Variants in PRMT8 observed in about 807,000 individuals in gnomAD.
PRMT8 encodes the protein protein arginine methyltransferase 8, also known as protein arginine N-methyltransferase 8.
In PRMT8, 7 loss-of-function variants were observed where a neutral mutation model predicts 47.1. The ratio of observed to expected loss-of-function variants is 0.15; its 90% CI spans 0.08 to 0.28. The LOEUF is 0.28. PRMT8 is among the 10% of genes least tolerant of loss of function. The pLI is 1.00. For missense variants in PRMT8, 237 were observed against 505.4 expected, an observed-to-expected ratio of 0.47 and a Z score of 5.09; for synonymous variants, 188 against 186.5, an observed-to-expected ratio of 1.01 and a Z score of -0.07.
chr12:3,438,793 A>G (rs1470226593), intron 1 of PRMT8, among the ~76,000 whole-genome samples: 4 of 152,260 alleles, frequency 2.6e-5, no homozygotes, highest in African/African-American at 9.6e-5. Flanking sequence ...GGTGAGTTTC[A>G]TAGAGCTAAG....
rs1395517695 is a variant in PRMT8, at chr12:3,583,126, G to A, written c.897G>A (p.Gln299=). 6 of 1,614,034 alleles carry A rather than the reference G, an allele frequency of 3.7e-6. No homozygotes were observed. The highest frequency in any genetic ancestry group is 5.1e-6 in the Non-Finnish European group (6 of 1,180,006). The change falls in exon 8 of 10, where the codon CAG becomes CAA. Residue 299 remains glutamine, a synonymous_variant. Coordinates refer to ENST00000382622, the MANE Select transcript of PRMT8 (RefSeq NM_019854.5). The surrounding 1 kb of genome is among the most constrained non-coding windows in gnomAD (Gnocchi z 4.7). ...SFTSAFCLQI[Q]RNDYVHALVT... is the part of the protein sequence containing the mutation. The stretch of plus-strand genomic sequence containing the variant: ...CATCTGCATTCTGCCTGCAGATACA[G>A]CGCAACGACTACGTCCACGCCCTGG...
chr12:3,404,402 C>G (rs1297300637), intron 1 of PRMT8, among the ~76,000 whole-genome samples: 1 of 152,148 alleles, frequency 6.6e-6, no homozygotes, highest in Non-Finnish European at 1.5e-5. Context: ...ATTTAATACA[C>G]TTTTAAAACT....
intron 4 of PRMT8, among the ~76,000 whole-genome samples, chr12:3,562,481 CACA>C (rs1448535354): frequency 6.6e-6 from 1 of 152,072 alleles, no homozygotes; most frequent in Non-Finnish European, 1.5e-5. Context: ...CAAACAAAAT[CACA>C]ACATCATCAC....
Position 3,510,433 on chromosome 12 carries a change from A to G in PRMT8, c.75+18733A>G, listed in dbSNP as rs74450151. Among the ~76,000 whole-genome samples the G allele has an allele frequency of 1.6e-3, 237 of 152,348 alleles. 6 individuals are homozygous for G. The East Asian group carries it at 0.041, about 27-fold the overall frequency. On this transcript the variant is annotated intron_variant, in intron 1 of 9. Transcript: ENST00000382622. Reference sequence around the variant, plus strand: ...TATTGAATGTTCCCAACACAAAGCAATGACAACTGTTTGAGTTAATGGATG... The same window carrying G: ...TATTGAATGTTCCCAACACAAAGCAGTGACAACTGTTTGAGTTAATGGATG...
intron 1 of PRMT8, among the ~76,000 whole-genome samples, chr12:3,540,306 C>T (rs563817836): frequency 6.6e-5 from 10 of 152,280 alleles, no homozygotes; most frequent in Middle Eastern, 3.4e-3. Context: ...TACTATTTTC[C>T]CCATTTCACA....
chr12:3,438,388 G>C (rs991882265), intron 1 of PRMT8, among the ~76,000 whole-genome samples: 1 of 152,220 alleles, frequency 6.6e-6, no homozygotes, highest in Non-Finnish European at 1.5e-5. Context: ...AGGGCACGTG[G>C]GGTCGGGCCG....
rs1217066975 is a variant in PRMT8, at chr12:3,508,858, C to A, written c.75+17158C>A. Among the ~76,000 whole-genome samples the A allele has an allele frequency of 1.3e-5, 2 of 152,222 alleles. No individual in the cohort carries two copies. The highest frequency in any genetic ancestry group is 2.9e-5 in the Non-Finnish European group (2 of 68,028). ...AGTCCTGCCCTCTTCCCAGCTCCTG[C>A]CATTCTCACTTTTCTTGGTAATAAG... On this transcript the variant is annotated intron_variant, in intron 1 of 9. Coordinates refer to ENST00000382622, the MANE Select transcript of PRMT8 (RefSeq NM_019854.5). The surrounding 1 kb of genome is among the most constrained non-coding windows in gnomAD (Gnocchi z 4.9).
rs75674240 is a variant in PRMT8 at position 3,549,565 on chromosome 12, G to A, written c.262-371G>A. Among the ~76,000 whole-genome samples, 143 of 151,616 alleles carry A rather than the reference G, an allele frequency of 9.4e-4. 1 individual carries two copies. The highest frequency in any genetic ancestry group is 3.0e-3 in the African/African-American group (124 of 41,242). On this transcript the variant is annotated intron_variant, in intron 2 of 9. Transcript: ENST00000382622. The stretch of plus-strand genomic sequence containing the variant: ...ACTCACAAAAACCTCTTTGAATGAC[G>A]TGTTCAATGACAATTCTCTCACCAT...
chr12:3,472,149 A>C (rs887360), intron 1 of PRMT8, among the ~76,000 whole-genome samples: 12,531 of 152,208 alleles, frequency 0.082, 565 homozygotes, highest in Non-Finnish European at 0.1. Flanking sequence ...GCGGTTCTGT[A>C]ACTGAGAACA....
intron 6 of PRMT8, among the ~76,000 whole-genome samples, chr12:3,574,524 C>T (rs534990710): frequency 6.6e-5 from 10 of 152,340 alleles, no homozygotes; most frequent in East Asian, 1.9e-4. Flanking sequence ...TGCACATGGC[C>T]GCACAGCTTG....
intron 1 of PRMT8, among the ~76,000 whole-genome samples, chr12:3,530,361 C>T (rs1376063613): frequency 6.6e-6 from 1 of 152,168 alleles, no homozygotes; most frequent in Non-Finnish European, 1.5e-5. Context: ...GAGGGAAACA[C>T]AGACATATAA....
intron 1 of PRMT8, among the ~76,000 whole-genome samples, chr12:3,511,189 C>G (rs936013815): frequency 6.6e-6 from 1 of 152,166 alleles, no homozygotes; most frequent in African/African-American, 2.4e-5. Flanking sequence ...TAGCTCCATG[C>G]CTGTCTTCCC....
At chr12:3,542,207 G>A (rs1388651515) in intron 2 of PRMT8, among the ~76,000 whole-genome samples, 2 of 152,204 alleles carry the variant, frequency 1.3e-5, no homozygotes, top group Non-Finnish European at 2.9e-5. Context: ...CTCAAGGTTT[G>A]GGTCCCTGAG....
At chr12:3,424,911 G>A (rs1864585955) in intron 1 of PRMT8, among the ~76,000 whole-genome samples, 3 of 152,116 alleles carry the variant, frequency 2.0e-5, no homozygotes, top group South Asian at 4.2e-4. Flanking sequence ...TCATGCTTTG[G>A]CCATGCGTGG....
At chr12:3,448,631 C>G (rs35330987) in intron 1 of PRMT8, among the ~76,000 whole-genome samples, 17,240 of 152,020 alleles carry the variant, frequency 0.11, 1,144 homozygotes, top group Middle Eastern at 0.18. Flanking sequence ...ACTTTGATAA[C>G]CAAAAAGTCG....
At chr12:3,382,728 C>T (rs1864104338) in intron 1 of PRMT8, among the ~76,000 whole-genome samples, 1 of 152,042 alleles carries the variant, frequency 6.6e-6, no homozygotes, top group African/African-American at 2.4e-5. Context: ...TAATGAAGTC[C>T]AGTTTATCAA....
At chr12:3,518,428 G>A (rs916633112) in intron 1 of PRMT8, among the ~76,000 whole-genome samples, 19 of 149,984 alleles carry the variant, frequency 1.3e-4, no homozygotes, top group African/African-American at 3.7e-4. Flanking sequence ...GGCCACTCTT[G>A]GAAAATCCCC....
intron 2 of PRMT8, among the ~76,000 whole-genome samples, chr12:3,547,178 A>G (rs1866340872): frequency 6.6e-6 from 1 of 152,232 alleles, no homozygotes. Flanking sequence ...ATATTATTGG[A>G]ACAAAGGAAG....
rs1361511701 is a variant in PRMT8 at position 3,566,971 on chromosome 12, TC to T, written c.482-1733del. The stretch of plus-strand genomic sequence containing the variant: ...TACAGCAACAAATACAAAAAGGGAC[TC>T]CAAAATTATGTGTATGTCTATGTCA... On this transcript the variant is annotated intron_variant, in intron 4 of 9. Transcript: ENST00000382622. This position sits in a 1 kb window ranked among gnomAD's most constrained non-coding sequence, Gnocchi z 4.7. Among the ~76,000 whole-genome samples, 1 of 152,206 alleles carries T rather than the reference TC, an allele frequency of 6.6e-6. No individual in the cohort carries two copies. The highest frequency in any genetic ancestry group is 2.4e-5 in the African/African-American group (1 of 41,452).
Sources: allele counts gnomAD v4.1 joint callset (sites outside exome capture counted in the v4.1 genomes callset), GRCh38; gene constraint gnomAD v4.1.1; non-coding constraint Gnocchi (gnomAD v3.1); transcripts MANE v1.5; gene names NCBI Gene and HGNC (gene_info 2026-07-23, HGNC 2026-07-21).